MAST2: variants seen among roughly 807,000 people sequenced by gnomAD.
MAST2 encodes the protein microtubule-associated serine/threonine-protein kinase 2.
A neutral mutation model predicts 147.4 loss-of-function variants in MAST2; 70 were observed. The ratio of observed to expected loss-of-function variants is 0.47; its 90% confidence interval spans 0.39 to 0.58. MAST2 has a LOEUF of 0.58. Ranked by LOEUF, MAST2 falls within the 20% of genes least tolerant of loss-of-function variation. MAST2 has a pLI of 0.00. For synonymous variants in MAST2, 869 were observed against 896.8 expected, an observed-to-expected ratio of 0.97 and a Z score of 0.55; for missense variants, 2,080 against 2,302.3, an observed-to-expected ratio of 0.90 and a Z score of 1.98.
intron 4 of MAST2, among the ~76,000 whole-genome samples, chr1:45,939,566 A>G (rs1363103748): frequency 6.6e-6 from 1 of 151,880 alleles, no homozygotes; most frequent in African/African-American, 2.4e-5. Context: ...CGCAGGGGAC[A>G]GTCTTGCTTG....
intron 4 of MAST2, among the ~76,000 whole-genome samples, chr1:45,890,308 T>C (rs1647536466): frequency 6.6e-6 from 1 of 152,232 alleles, no homozygotes; most frequent in African/African-American, 2.4e-5. Flanking sequence ...TGTAACAAAA[T>C]ACCACATGCT....
chr1:45,940,933 TAGAA>T lies in MAST2; in HGVS notation c.501-18449_501-18446del, dbSNP rs530807130. Reference sequence around the variant, plus strand: ...CGCGCCTGGCCTATGAGGATTTTATTAGAAAGAGAATTGTTGCATATTGTTTTGA... The same window carrying T: ...CGCGCCTGGCCTATGAGGATTTTATTAGAGAATTGTTGCATATTGTTTTGA... On this transcript the variant is annotated intron_variant, in intron 4 of 28. Transcript: ENST00000361297. 5.4e-4 allele frequency among the ~76,000 whole-genome samples: 82 copies of T among 152,330 alleles called. No individual in the cohort carries two copies. In the South Asian group the frequency reaches 0.012, roughly 22 times the overall value.
intron 3 of MAST2, among the ~76,000 whole-genome samples, chr1:45,873,020 A>G (rs1646460024): frequency 6.6e-6 from 1 of 152,146 alleles, no homozygotes; most frequent in African/African-American, 2.4e-5. Context: ...TCCAAATGGT[A>G]ATAAAATTTT....
intron 6 of MAST2, among the ~76,000 whole-genome samples, chr1:45,999,991 A>G (rs762953234): frequency 3.3e-5 from 5 of 152,216 alleles, no homozygotes; most frequent in Non-Finnish European, 7.3e-5. Context: ...CAAGCACCAT[A>G]GAGGGAAAGA....
At chr1:45,846,528 A>T (rs1645440849) in intron 3 of MAST2, among the ~76,000 whole-genome samples, 1 of 152,188 alleles carries the variant, frequency 6.6e-6, no homozygotes, top group Non-Finnish European at 1.5e-5. Context: ...TCATTTTAAA[A>T]TAAATATCAT....
chr1:45,865,026 C>T, intron 3 of MAST2: 2 of 442,066 alleles, frequency 4.5e-6, no homozygotes, highest in Non-Finnish European at 9.0e-6. Flanking sequence ...GGATTGTTTG[C>T]CTCTTTATCC....
intron 1 of MAST2, among the ~76,000 whole-genome samples, chr1:45,810,345 T>C (rs1644253970): frequency 6.6e-6 from 1 of 152,152 alleles, no homozygotes; most frequent in South Asian, 2.1e-4. Flanking sequence ...ATTACAGGGT[T>C]AGTACATTGG....
intron 4 of MAST2, among the ~76,000 whole-genome samples, chr1:45,943,616 G>T (rs1160789835): frequency 6.6e-6 from 1 of 152,124 alleles, no homozygotes; most frequent in Non-Finnish European, 1.5e-5. Context: ...GTGGTGACGC[G>T]TGCCTGTAAT....
At chr1:45,950,926 T>A (rs1377903253) in intron 4 of MAST2, among the ~76,000 whole-genome samples, 1 of 151,808 alleles carries the variant, frequency 6.6e-6, no homozygotes, top group African/African-American at 2.4e-5. Flanking sequence ...TACAAAAAAA[T>A]ACGAATGTTA....
intron 4 of MAST2, among the ~76,000 whole-genome samples, chr1:45,888,449 GCCTC>G (rs889024877): frequency 1.3e-5 from 2 of 151,760 alleles, no homozygotes; most frequent in African/African-American, 4.8e-5. Flanking sequence ...TGCAAGCTCC[GCCTC>G]CCGGGTTCAC....
At chr1:45,901,494 G>C (rs1649757684) in intron 4 of MAST2, among the ~76,000 whole-genome samples, 1 of 152,012 alleles carries the variant, frequency 6.6e-6, no homozygotes, top group African/African-American at 2.4e-5. Flanking sequence ...GCTCTTCTTT[G>C]GTTCCATATG....
intron 4 of MAST2, among the ~76,000 whole-genome samples, chr1:45,934,820 A>T (rs1655939273): frequency 6.6e-6 from 1 of 152,102 alleles, no homozygotes; most frequent in Non-Finnish European, 1.5e-5. Flanking sequence ...ACCTAATTTG[A>T]TTCCGTGTCT....
In MAST2 at chr1:45,958,008, T is replaced by C. The variant is rs541820408; in HGVS notation, c.501-1378T>C. On this transcript the variant is annotated intron_variant, in intron 4 of 28. Transcript: ENST00000361297. ...AGAGAAATTGGGGATATAGGCAGTTTGCTGATGACATACTGAGTTCAAGGA... is the reference window on the plus strand; with the variant it reads ...AGAGAAATTGGGGATATAGGCAGTTCGCTGATGACATACTGAGTTCAAGGA... Among the ~76,000 whole-genome samples, 3 of 152,270 alleles carry C rather than the reference T, an allele frequency of 2.0e-5. No individual in the cohort carries two copies. In the South Asian group the frequency reaches 6.2e-4, roughly 32 times the overall value.
intron 11 of MAST2, among the ~76,000 whole-genome samples, chr1:46,021,493 G>A (rs1449570181): frequency 7.2e-5 from 11 of 152,198 alleles, no homozygotes; most frequent in Admixed American, 7.2e-4. Context: ...CTTTTCAATG[G>A]ATTTCCAGCC....
intron 4 of MAST2, among the ~76,000 whole-genome samples, chr1:45,897,355 T>G (rs565447625): frequency 6.6e-6 from 1 of 152,374 alleles, no homozygotes; most frequent in South Asian, 2.1e-4. Flanking sequence ...CCCAGTAATG[T>G]TCTTAGGAAT....
At position 45,866,925 on chromosome 1, in the gene MAST2, A is replaced by AT. The variant is rs1646177611; in HGVS notation, c.469-15434dup. Reference sequence around the variant, plus strand: ...CCACCACACCTGGCTAATTTTTTGTATTTTTAGTAGAGACGGTGTTTCACC... The same window carrying AT: ...CCACCACACCTGGCTAATTTTTTGTATTTTTTAGTAGAGACGGTGTTTCACC... On this transcript the variant is annotated intron_variant, in intron 3 of 28. Transcript: ENST00000361297. Among the ~76,000 whole-genome samples, 5 of 151,918 alleles carry AT rather than the reference A, an allele frequency of 3.3e-5. No individual in the cohort carries two copies. In the South Asian group the frequency reaches 1.0e-3, roughly 32 times the overall value.
chr1:45,974,334 C>T (rs960555835), intron 5 of MAST2, among the ~76,000 whole-genome samples: 2 of 152,156 alleles, frequency 1.3e-5, no homozygotes, highest in Non-Finnish European at 2.9e-5. Context: ...CTGTGGCTCA[C>T]GCCTGTAATC....
rs187458667 is a variant in MAST2, at chr1:45,873,503, C to A, written c.469-8861C>A. The stretch of plus-strand genomic sequence containing the variant: ...GTGAGCCACCACACCTGGTCAATTT[C>A]TTATTATTAATCCAAAGTGTCTTAC... On this transcript the variant is annotated intron_variant, in intron 3 of 28. Coordinates refer to ENST00000361297, the MANE Select transcript of MAST2 (RefSeq NM_015112.3). 1.0e-3 allele frequency among the ~76,000 whole-genome samples: 152 copies of A among 151,892 alleles called. 1 individual carries two copies. The highest frequency in any genetic ancestry group is 3.5e-3 in the African/African-American group (147 of 41,450).
chr1:46,030,969 C>T, intron 22 of MAST2, 38 bp from the exon 23 acceptor site: 1 of 1,596,112 alleles, frequency 6.3e-7, no homozygotes, highest in Non-Finnish European at 8.5e-7. Context: ...AGGAGGGGGA[C>T]CACCTGGGTC....
Sources: allele counts gnomAD v4.1 joint callset (sites outside exome capture counted in the v4.1 genomes callset), GRCh38; gene constraint gnomAD v4.1.1; transcripts MANE v1.5; gene names NCBI Gene and HGNC (gene_info 2026-07-23, HGNC 2026-07-21).